The following TANK variants were observed in gnomAD, a reference collection of about 807,000 sequenced individuals.
TANK encodes the protein TRAF family member-associated NF-kappa-B activator.
In TANK, 15 loss-of-function variants were observed where a neutral mutation model predicts 43.6. That is an observed-to-expected ratio of 0.34 (90% CI 0.23 to 0.53). The LOEUF (loss-of-function observed/expected upper bound fraction) is 0.53, where lower values mean the gene tolerates loss of function less well. TANK is among the 20% of genes least tolerant of loss of function. The probability of loss-of-function intolerance (pLI) is 0.94; values close to 1 mark genes in which losing one functional copy is unlikely to be tolerated. For synonymous variants in TANK, 162 were observed against 178.2 expected (o/e 0.91, Z 0.73); for missense variants, 417 against 498.6 (o/e 0.84, Z 1.56).
intron 2 of TANK, among the ~76,000 whole-genome samples, chr2:161,195,800 GC>G (rs1420851465): frequency 6.6e-6 from 1 of 152,146 alleles, no homozygotes; most frequent in African/African-American, 2.4e-5. Flanking sequence ...GATACTTGGG[GC>G]CAGGCGCAGT....
At chr2:161,170,641 A>C (rs1331740680) in intron 1 of TANK, among the ~76,000 whole-genome samples, 1 of 152,218 alleles carries the variant, frequency 6.6e-6, no homozygotes, top group East Asian at 1.9e-4. Context: ...TAGATCCAGG[A>C]GTCTTGGACA....
intron 2 of TANK, among the ~76,000 whole-genome samples, chr2:161,194,284 T>G (rs1374519520): frequency 1.3e-5 from 2 of 152,032 alleles, no homozygotes; most frequent in African/African-American, 4.8e-5. Flanking sequence ...ATCTCTTTGT[T>G]GAGAAGAGAA....
intron 1 of TANK, among the ~76,000 whole-genome samples, chr2:161,140,536 TTAGC>T (rs1683716105): frequency 6.6e-6 from 1 of 152,050 alleles, no homozygotes; most frequent in Non-Finnish European, 1.5e-5. Flanking sequence ...TCTTCTATAG[TTAGC>T]TCTTTGTAAA....
At chr2:161,206,877 A>G (rs1416942627) in intron 4 of TANK, among the ~76,000 whole-genome samples, 1 of 152,132 alleles carries the variant, frequency 6.6e-6, no homozygotes, top group Admixed American at 6.5e-5. Context: ...ACTTAACTGC[A>G]AATTTAATAA....
chr2:161,196,722 C>G (rs1330869207), intron 2 of TANK, among the ~76,000 whole-genome samples: 1 of 151,808 alleles, frequency 6.6e-6, no homozygotes. Flanking sequence ...AGGTGTGATG[C>G]GGGAGCGCTT....
intron 1 of TANK, chr2:161,139,831 T>G: frequency 4.1e-6 from 4 of 985,422 alleles, no homozygotes; most frequent in Non-Finnish European, 4.8e-6. Context: ...CTACGCTTTG[T>G]GCAAAAAGCC....
At chr2:161,193,989 C>T (rs759366839) in intron 2 of TANK, among the ~76,000 whole-genome samples, 2 of 152,160 alleles carry the variant, frequency 1.3e-5, no homozygotes, top group Non-Finnish European at 2.9e-5. Context: ...TATCACAAGA[C>T]TCCATAATAT....
intron 1 of TANK, among the ~76,000 whole-genome samples, chr2:161,164,259 A>G (rs1180369386): frequency 6.6e-6 from 1 of 152,176 alleles, no homozygotes; most frequent in Non-Finnish European, 1.5e-5. Context: ...GTTACTGTTT[A>G]TCCTTTTTGT....
chr2:161,178,327 A>G (rs1216731120), intron 1 of TANK, among the ~76,000 whole-genome samples: 1 of 152,174 alleles, frequency 6.6e-6, no homozygotes. Context: ...TTAGCCATAA[A>G]AAGGAGTCAA....
intron 1 of TANK, among the ~76,000 whole-genome samples, chr2:161,140,479 T>C (rs1324607893): frequency 6.7e-6 from 1 of 150,128 alleles, no homozygotes; most frequent in Non-Finnish European, 1.5e-5. Context: ...TTGTCTTTTC[T>C]TTTTTTTTCT....
chr2:161,234,753 T>C (rs1010240459), intron 7 of TANK, among the ~76,000 whole-genome samples: 4 of 152,230 alleles, frequency 2.6e-5, no homozygotes, highest in African/African-American at 7.2e-5. Context: ...TGATTAAATA[T>C]TTGTGTTTTT....
intron 4 of TANK, chr2:161,219,698 C>CT: frequency 2.3e-6 from 1 of 441,368 alleles, no homozygotes; most frequent in Non-Finnish European, 4.6e-6. Flanking sequence ...TGTCTCAGCC[C>CT]TTTTTTCACT....
upstream of TANK, chr2:161,156,049 T>C (rs1476263019): frequency 1.0e-6 from 1 of 982,642 alleles, no homozygotes; most frequent in African/African-American, 1.7e-5. Flanking sequence ...CCTTTTCATT[T>C]TTACAAAGTA....
chr2:161,166,266 G>A (rs1440695647), intron 1 of TANK, among the ~76,000 whole-genome samples: 1 of 152,232 alleles, frequency 6.6e-6, no homozygotes, highest in East Asian at 1.9e-4. Context: ...CCTGGATGGA[G>A]CACAGAAACA....
At chr2:161,234,624 G>GT (rs1000721492) in intron 7 of TANK, among the ~76,000 whole-genome samples, 25 of 152,266 alleles carry the variant, frequency 1.6e-4, no homozygotes, top group African/African-American at 6.0e-4. Flanking sequence ...TCTTTAACCA[G>GT]GCAACTATTG....
chr2:161,204,563 A>C (rs1300628842), intron 3 of TANK, 112 bp from the exon 4 acceptor site: 2 of 982,026 alleles, frequency 2.0e-6, no homozygotes, highest in African/African-American at 1.7e-5. Flanking sequence ...TAAAACTCCT[A>C]CCTTAAAATG....
chr2:161,139,893 T>C (rs1245005964), intron 1 of TANK: 1 of 984,900 alleles, frequency 1.0e-6, no homozygotes, highest in Non-Finnish European at 1.2e-6. Context: ...GTTACAACTG[T>C]GGTAAGCAAA....
At chr2:161,194,851 G>GT (rs60774977) in intron 2 of TANK, among the ~76,000 whole-genome samples, 17,389 of 151,358 alleles carry the variant, frequency 0.11, 1,727 homozygotes, top group African/African-American at 0.26. Flanking sequence ...TTTTTTTTAT[G>GT]TTTTTTTTCC....
intron 5 of TANK, 31 bp from the exon 6 acceptor site, chr2:161,224,600 T>G: frequency 3.5e-6 from 4 of 1,137,728 alleles, no homozygotes; most frequent in Non-Finnish European, 5.0e-6. Flanking sequence ...GTTATAGCTT[T>G]ACATTTTAAA....
Sources: gnomAD v4.1 joint callset for allele counts (sites outside exome capture counted in the v4.1 genomes callset) on GRCh38, gnomAD v4.1.1 for gene constraint, MANE v1.5 for transcripts, NCBI Gene and HGNC (gene_info 2026-07-23, HGNC 2026-07-21) for gene names.